The following SPMIP8 variants were observed in gnomAD, a reference collection of about 807,000 sequenced individuals.
SPMIP8 encodes sperm microtubule inner protein 8, also known as testicular tissue protein Li 196.
the SPMIP8 span, chr16:57,984,922 G>T: frequency 2.2e-6 from 3 of 1,386,786 alleles, no homozygotes; most frequent in Non-Finnish European, 2.9e-6. Context: ...GAAACAGGGC[G>T]GGGCCGCTGA....
At chr16:57,978,232 G>A in the SPMIP8 span, among the ~76,000 whole-genome samples, 2 of 152,192 alleles carry the variant, frequency 1.3e-5, no homozygotes, top group Admixed American at 6.5e-5. Context: ...TCAAAGTGTT[G>A]TTGTGGGGTT....
the SPMIP8 span, chr16:57,985,245 C>G: frequency 1.9e-6 from 3 of 1,556,476 alleles, no homozygotes; most frequent in African/African-American, 2.8e-5. Flanking sequence ...TACTTGAAGC[C>G]CGACGTGACC....
chr16:57,977,862 C>T, the SPMIP8 span: 1 of 1,614,184 alleles, frequency 6.2e-7, no homozygotes, highest in East Asian at 2.2e-5. Flanking sequence ...TGGCTCCACA[C>T]ATGTGTATGC....
the SPMIP8 span, among the ~76,000 whole-genome samples, chr16:57,980,937 A>C: frequency 1.3e-5 from 2 of 152,100 alleles, no homozygotes; most frequent in Non-Finnish European, 2.9e-5. Flanking sequence ...CTGGTCTCCA[A>C]CTTCTGGGCT....
the SPMIP8 span, chr16:57,985,422 TG>T: frequency 1.2e-6 from 2 of 1,612,966 alleles, no homozygotes; most frequent in African/African-American, 2.7e-5. Flanking sequence ...GTGTGGGGCG[TG>T]GGCAGGGCGT....
At chr16:57,977,154 A>C in the SPMIP8 span, among the ~76,000 whole-genome samples, 1 of 152,186 alleles carries the variant, frequency 6.6e-6, no homozygotes, top group Non-Finnish European at 1.5e-5. Flanking sequence ...TCACACCTGT[A>C]ATCCCAGCAC....
chr16:57,985,628 A>G, the SPMIP8 span: 1 of 1,498,984 alleles, frequency 6.7e-7, no homozygotes, highest in Non-Finnish European at 8.9e-7. Flanking sequence ...CGCACAGGCA[A>G]TGCCCCTTGA....
the SPMIP8 span, chr16:57,984,928 G>T: frequency 7.4e-7 from 1 of 1,354,484 alleles, no homozygotes; most frequent in Non-Finnish European, 9.9e-7. Context: ...GGGCGGGGCC[G>T]CTGAGATGAA....
chr16:57,977,809 C>T, the SPMIP8 span: 1 of 1,609,786 alleles, frequency 6.2e-7, no homozygotes, highest in Non-Finnish European at 8.5e-7. Flanking sequence ...ACCCTCTGCC[C>T]CCCAGCTATG....
the SPMIP8 span, chr16:57,985,344 T>C: frequency 3.8e-6 from 6 of 1,558,682 alleles, no homozygotes; most frequent in African/African-American, 8.3e-5. Flanking sequence ...AGCCGGGGGT[T>C]GAGGGGGGAG....
the SPMIP8 span, among the ~76,000 whole-genome samples, chr16:57,977,562 T>TGA: frequency 7.7e-6 from 1 of 130,574 alleles, no homozygotes; most frequent in Non-Finnish European, 1.5e-5. Context: ...ACAATGTGAG[T>TGA]GTGTGTGTGT....
At chr16:57,986,102 A>C in the SPMIP8 span, 1 of 832,980 alleles carries the variant, frequency 1.2e-6, no homozygotes, top group Non-Finnish European at 1.7e-6. Flanking sequence ...CGCTCTGGAG[A>C]GATCCGCCCC....
chr16:57,980,266 G>A, the SPMIP8 span, among the ~76,000 whole-genome samples: 1 of 152,146 alleles, frequency 6.6e-6, no homozygotes, highest in South Asian at 2.1e-4. Flanking sequence ...TAGTTTATAG[G>A]AGGAGCTATG....
the SPMIP8 span, among the ~76,000 whole-genome samples, chr16:57,979,251 G>A: frequency 6.1e-4 from 93 of 152,298 alleles, no homozygotes; most frequent in African/African-American, 2.2e-3. Flanking sequence ...TCCAGCTTGG[G>A]TGACAGGTGG....
chr16:57,978,121 A>T, the SPMIP8 span: 1 of 1,467,818 alleles, frequency 6.8e-7, no homozygotes, highest in Non-Finnish European at 9.2e-7. Flanking sequence ...AGGATGAAAG[A>T]GGCCAGTCCC....
chr16:57,982,305 T>C, the SPMIP8 span, among the ~76,000 whole-genome samples: 6 of 152,232 alleles, frequency 3.9e-5, no homozygotes, highest in African/African-American at 1.2e-4. Flanking sequence ...TAAAATGATT[T>C]TTTGGAACAA....
At chr16:57,984,870 G>A in the SPMIP8 span, 3 of 1,516,074 alleles carry the variant, frequency 2.0e-6, no homozygotes, top group Non-Finnish European at 2.7e-6. Context: ...CTGGAGCAGG[G>A]AACGTGGACT....
the SPMIP8 span, chr16:57,984,326 A>G: frequency 6.2e-7 from 1 of 1,614,022 alleles, no homozygotes; most frequent in African/African-American, 1.3e-5. Context: ...CGCCCATTTT[A>G]CACTCCTTGG....
At chr16:57,987,304 A>C in the SPMIP8 span, 1 of 1,308,094 alleles carries the variant, frequency 7.6e-7, no homozygotes, top group Non-Finnish European at 1.0e-6. Context: ...GGCTGGCTGG[A>C]AGCTGTGTTT....
Sources: gnomAD v4.1 joint callset for allele counts (sites outside exome capture counted in the v4.1 genomes callset) on GRCh38, gnomAD v4.1.1 for gene constraint, MANE v1.5 for transcripts, NCBI Gene and HGNC (gene_info 2026-07-23, HGNC 2026-07-21) for gene names.